The following C18orf54 variants were observed in gnomAD, a reference collection of about 807,000 sequenced individuals.
The protein encoded by C18orf54 is lung adenoma susceptibility protein 2.
C18orf54 carries 49 observed loss-of-function variants against 49.3 expected under a neutral mutation model. The observed-to-expected ratio is 0.99, with a 90% CI of 0.79 to 1.26. The LOEUF is 1.26. C18orf54 is among the 50% of genes most tolerant of loss of function. The pLI, the probability that C18orf54 is intolerant of heterozygous loss-of-function variation, is 0.00. For synonymous variants in C18orf54, 211 were observed against 216.6 expected (o/e 0.97, Z 0.23); for missense variants, 687 against 620.6 (o/e 1.11, Z -1.14).
At chr18:54,377,375 A>G (rs1006430948) in intron 8 of C18orf54, among the ~76,000 whole-genome samples, 5 of 152,070 alleles carry the variant, frequency 3.3e-5, no homozygotes, top group Admixed American at 6.6e-5. Context: ...CTTAATTACT[A>G]TATTGTCACT....
chr18:54,365,841 T>C lies in C18orf54; in HGVS notation c.1326+20T>C. On this transcript the variant is annotated intron_variant, in intron 6 of 8. Transcript: ENST00000620105. ...AATCAGGTGGGTGAAATTAAAAGTTTTAAAACTTATTTAAAGATATATGAA... is the reference window on the plus strand; with the variant it reads ...AATCAGGTGGGTGAAATTAAAAGTTCTAAAACTTATTTAAAGATATATGAA... The C allele has an allele frequency of 7.0e-7, 1 of 1,422,102 alleles. No homozygotes were observed. The highest frequency in any genetic ancestry group is 1.3e-5 in the South Asian group (1 of 75,980). 88.1% of individuals were successfully genotyped at this position (1,422,102 alleles called of 1,614,324 possible). A position where few individuals can be genotyped will look rare whatever the true frequency, so the allele number is the denominator to read the frequency against.
chr18:54,369,716 G>A lies in C18orf54; in HGVS notation c.1327-2750G>A, dbSNP rs112503183. Among the ~76,000 whole-genome samples, 556 of 152,028 alleles carry A rather than the reference G, an allele frequency of 3.7e-3. 6 individuals are homozygous for A. Among genetic ancestry groups the A allele is most frequent in the African/African-American group, 0.012 (502 of 41,482 alleles). On this transcript the variant is annotated intron_variant, in intron 6 of 8. Transcript: ENST00000620105. ...ACTCCTGACCTCAAGTGATCCACCC[G>A]CCTCAACCTCCGAAAATGTTGGGAT... is the stretch of plus-strand genomic sequence containing the variant.
Position 54,381,276 on chromosome 18 carries a change from T to TA in C18orf54, c.*3031dup, listed in dbSNP as rs1340449834. 1.4e-4 allele frequency: 22 copies of TA among 152,282 alleles called. 1 individual carries two copies. The East Asian group carries it at 4.0e-3, about 28-fold the overall frequency. 9.4% of individuals were successfully genotyped at this position (152,282 alleles called of 1,614,324 possible). On this transcript the variant is annotated 3_prime_UTR_variant, in exon 9 of 9. Coordinates refer to ENST00000620105, the MANE Select transcript of C18orf54 (RefSeq NM_001288980.2). ...ACCAAAAAAAAGAAAAAAAAAATCT[T>TA]AGCTTTTCATCCTCCCAGTGTATTC...
At chr18:54,365,982 TATA>T (rs1418977918) in intron 6 of C18orf54, among the ~76,000 whole-genome samples, 161 bp downstream of exon 6, 1 of 151,614 alleles carries the variant, frequency 6.6e-6, no homozygotes, top group Non-Finnish European at 1.5e-5. Context: ...TATTATTTTT[TATA>T]ATATTTTAAA....
At position 54,380,674 on chromosome 18, in the gene C18orf54, T is replaced by G. The variant is rs1205950749; in HGVS notation, c.*2428T>G. 1 of 152,120 alleles carries G rather than the reference T, an allele frequency of 6.6e-6. No individual in the cohort carries two copies. The highest frequency in any genetic ancestry group is 2.4e-5 in the African/African-American group (1 of 41,454). The allele number at this position is 152,120 out of a possible 1,614,324, so 9.4% of individuals were successfully genotyped here. On this transcript the variant is annotated 3_prime_UTR_variant, in exon 9 of 9. Coordinates refer to ENST00000620105, the MANE Select transcript of C18orf54 (RefSeq NM_001288980.2). ...AGTTATGTTATTTCTTGTTGAAATT[T>G]ATAATTGTAGGTTTTTTGTATTGTT...
intron 3 of C18orf54, 148 bp from the exon 4 acceptor site, chr18:54,361,495 C>T (rs2089268144): frequency 3.2e-6 from 2 of 627,756 alleles, no homozygotes; most frequent in African/African-American, 1.9e-5. Context: ...CTGTTTTATC[C>T]ACCTACACCT....
At chr18:54,374,078 T>C in intron 7 of C18orf54, 136 bp from the exon 8 acceptor site, 1 of 813,300 alleles carries the variant, frequency 1.2e-6, no homozygotes, top group South Asian at 2.3e-5. Flanking sequence ...ATAAAAATAT[T>C]TAATACTCTT....
At chr18:54,377,887 A>G (rs1359537951) in intron 8 of C18orf54, among the ~76,000 whole-genome samples, 1 of 152,170 alleles carries the variant, frequency 6.6e-6, no homozygotes, top group African/African-American at 2.4e-5. Flanking sequence ...TACAACTGAT[A>G]CCTATTGTTT....
Position 54,379,517 on chromosome 18 carries a change from T to G in C18orf54, c.*1271T>G, listed in dbSNP as rs1004671873. 2 of 150,720 alleles carry G rather than the reference T, an allele frequency of 1.3e-5. No individual in the cohort carries two copies. Among genetic ancestry groups the G allele is most frequent in the Non-Finnish European group, 3.0e-5 (2 of 67,660 alleles). The allele number at this position is 150,720 out of a possible 1,614,324, so 9.3% of individuals were successfully genotyped here. A position where few individuals can be genotyped will look rare whatever the true frequency, so the allele number is the denominator to read the frequency against. ...CTGTGGGGTTTTTTTTTTTTTTTTT[T>G]GCCCGTGAGTTTTTTACCATGCTGC... On this transcript the variant is annotated 3_prime_UTR_variant, in exon 9 of 9. Coordinates refer to ENST00000620105, the MANE Select transcript of C18orf54 (RefSeq NM_001288980.2).
At position 54,361,777 on chromosome 18, in the gene C18orf54, A is replaced by G. The variant is rs1444917671; in HGVS notation, c.418A>G (p.Thr140Ala). ...RLPADGSFSY[T>A]YVGPSHRTSK... is the part of the protein sequence containing the mutation. ...CCCAGCAGATGGATCATTTTCTTATACTTATGTTGGACCGAGTCACCGAAC... is the reference window on the plus strand; with the variant it reads ...CCCAGCAGATGGATCATTTTCTTATGCTTATGTTGGACCGAGTCACCGAAC... The change falls in exon 4 of 9, where the codon ACT (threonine) becomes GCT (alanine). Residue 140 changes from threonine to alanine, a missense_variant. Thr to Ala is a moderately conservative substitution (Grantham distance 58). Coordinates refer to ENST00000620105, the MANE Select transcript of C18orf54 (RefSeq NM_001288980.2). 4 of 1,613,910 alleles carry G rather than the reference A, an allele frequency of 2.5e-6. No homozygotes were observed. In the East Asian group the frequency reaches 6.7e-5, roughly 27 times the overall value.
rs779148516 is a variant in C18orf54, at chr18:54,365,800, C to G, written c.1305C>G (p.Asp435Glu). The change falls in exon 6 of 9, where the codon GAC (aspartate) becomes GAG (glutamate). Residue 435 changes from aspartate to glutamate, a missense_variant. Physicochemically the swap from Asp to Glu is conservative, Grantham distance 45. Transcript: ENST00000620105. ...RAKSAKGVLE[D>E]FLNNDNQSCT... The stretch of plus-strand genomic sequence containing the variant: ...AGAGTGCTAAAGGGGTTCTTGAAGA[C>G]TTTCTAAATAATGATAATCAGGTGG... 2 of 1,573,960 alleles carry G rather than the reference C, an allele frequency of 1.3e-6. No homozygotes were observed. The highest frequency in any genetic ancestry group is 2.4e-5 in the South Asian group (2 of 83,758).
In C18orf54 at chr18:54,378,336, A is replaced by G; in HGVS notation, c.*90A>G. 8.9e-7 allele frequency: 1 copy of G among 1,123,034 alleles called. No individual in the cohort carries two copies. Among genetic ancestry groups the G allele is most frequent in the Non-Finnish European group, 1.3e-6 (1 of 765,266 alleles). 69.6% of individuals were successfully genotyped at this position (1,123,034 alleles called of 1,614,324 possible). A position where few individuals can be genotyped will look rare whatever the true frequency, so the allele number is the denominator to read the frequency against. ...TACTTAAACTGACAAAGTAAATATAAGCCATACATTATTTTGTGGTTGGTT... is the reference window on the plus strand; with the variant it reads ...TACTTAAACTGACAAAGTAAATATAGGCCATACATTATTTTGTGGTTGGTT... On this transcript the variant is annotated 3_prime_UTR_variant, in exon 9 of 9. Coordinates refer to ENST00000620105, the MANE Select transcript of C18orf54 (RefSeq NM_001288980.2).
chr18:54,362,788 C>G lies in C18orf54; in HGVS notation c.1090C>G (p.Leu364Val), dbSNP rs757117440. 1.2e-6 allele frequency: 2 copies of G among 1,604,190 alleles called. No homozygotes were observed. Among genetic ancestry groups the G allele is most frequent in the South Asian group, 2.3e-5 (2 of 88,090 alleles). The change falls in exon 5 of 9, where the codon CTT becomes GTT. Residue 364 changes from leucine (L) to valine (V), a missense_variant. By Grantham distance (32) the Leu-to-Val change is conservative. Transcript: ENST00000620105. ...ACAATTAGGTGACAAAATTGAATTG[C>G]TTATCTTGAAGGCCAAGAGAAATCT... ...KPFSGDKIEL[L>V]ILKAKRNLEQ...
chr18:54,360,850 A>C lies in C18orf54; in HGVS notation c.278A>C (p.Asn93Thr), dbSNP rs748216639. Residue 93 changes from asparagine (N) to threonine (T), a missense_variant, in exon 3 of 9, where the codon AAC (asparagine) becomes ACC (threonine). By Grantham distance (65) the Asn-to-Thr change is moderately conservative. Transcript: ENST00000620105. ...SQFCNYIYKP[N>T]NAFENLDHKK... ...TTCTGCAACTATATTTACAAACCAA[A>C]CAATGGTATGCTTTTATTCTTTGTT... 55 of 1,609,266 alleles carry C rather than the reference A, an allele frequency of 3.4e-5. No homozygotes were observed. The highest frequency in any genetic ancestry group is 6.7e-5 in the Admixed American group (4 of 59,952).
chr18:54,358,910 A>C (rs2089203773), intron 2 of C18orf54, 40 bp downstream of exon 2: 1 of 152,204 alleles, frequency 6.6e-6, no homozygotes, highest in African/African-American at 2.4e-5. Context: ...GTGGGGTTCA[A>C]AATAATCCTG....
intron 5 of C18orf54, among the ~76,000 whole-genome samples, chr18:54,363,574 C>T (rs920825918): frequency 1.3e-5 from 2 of 152,180 alleles, no homozygotes; most frequent in African/African-American, 2.4e-5. Context: ...CCTCTGCCTC[C>T]CAAAGTGCTG....
chr18:54,378,068 C>T, intron 8 of C18orf54, 106 bp from the exon 9 acceptor site: 1 of 646,814 alleles, frequency 1.5e-6, no homozygotes, highest in Non-Finnish European at 2.4e-6. Flanking sequence ...ACTTCTCATA[C>T]CAATTTTGAA....
At chr18:54,377,384 C>T (rs1172266117) in intron 8 of C18orf54, among the ~76,000 whole-genome samples, 3 of 152,110 alleles carry the variant, frequency 2.0e-5, no homozygotes, top group Non-Finnish European at 4.4e-5. Flanking sequence ...TATATTGTCA[C>T]TCTGTTTTTC....
intron 6 of C18orf54, among the ~76,000 whole-genome samples, chr18:54,366,911 A>G (rs113242218): frequency 6.6e-6 from 1 of 152,092 alleles, no homozygotes; most frequent in African/African-American, 2.4e-5. Context: ...AACCATAATA[A>G]TGACCTTCTT....
Sources: gnomAD v4.1 joint callset for allele counts (sites outside exome capture counted in the v4.1 genomes callset) on GRCh38, gnomAD v4.1.1 for gene constraint, MANE v1.5 for transcripts, NCBI Gene and HGNC (gene_info 2026-07-23, HGNC 2026-07-21) for gene names.